Variants in OGG1 observed in about 807,000 individuals in gnomAD.
OGG1 encodes N-glycosylase/DNA lyase.
In OGG1, 35 loss-of-function variants were observed where a neutral mutation model predicts 42.3. The ratio of observed to expected loss-of-function variants is 0.83; its 90% CI spans 0.63 to 1.10. OGG1 has a LOEUF of 1.10. Among genes scored for constraint, OGG1 ranks in the 50% least tolerant of loss-of-function variants. OGG1 has a pLI of 0.00. For missense variants in OGG1, 484 were observed against 446.7 expected (o/e 1.08, Z -0.75); for synonymous variants, 189 against 179.0 (o/e 1.06, Z -0.44).
intron 3 of OGG1, chr3:9,787,360 C>A: frequency 6.3e-7 from 1 of 1,595,700 alleles, no homozygotes; most frequent in Non-Finnish European, 8.5e-7. Context: ...AGATGGCACC[C>A]AACCCTGAGT....
chr3:9,760,753 A>G, downstream of OGG1: 1 of 1,613,970 alleles, frequency 6.2e-7, no homozygotes, highest in Non-Finnish European at 8.5e-7. Flanking sequence ...CATAGAAGGG[A>G]GGGTAACCGC....
rs1553700331 is a variant in OGG1, at chr3:9,752,552, A to AAAAAT, written c.565+603_565+604insAAAAT. Among the ~76,000 whole-genome samples the AAAAAT allele has an allele frequency of 2.7e-3, 388 of 145,058 alleles. 3 individuals carry two copies. The highest frequency in any genetic ancestry group is 4.6e-3 in the Non-Finnish European group (308 of 66,476). On this transcript the variant is annotated intron_variant, in intron 3 of 6. Transcript: ENST00000344629. Reference sequence around the variant, plus strand: ...CTCAAAAAAAAAAAAAAAAAAAAAAATTCAAGCTGGTATCATTGTAGTGAA... The same window carrying AAAAAT: ...CTCAAAAAAAAAAAAAAAAAAAAAAAAAAATTTCAAGCTGGTATCATTGTAGTGAA...
chr3:9,761,859 A>G (rs2077892652), downstream of OGG1: 4 of 1,504,490 alleles, frequency 2.7e-6, no homozygotes, highest in Middle Eastern at 4.5e-4. Flanking sequence ...TGGATCCCCA[A>G]AAGCCACTGT....
intron 7 of OGG1, chr3:9,762,946 G>A: frequency 6.2e-7 from 1 of 1,614,154 alleles, no homozygotes; most frequent in Non-Finnish European, 8.5e-7. Context: ...CCCAGGTCAT[G>A]CAGGTATTTC....
rs544966341 is a variant in OGG1 at position 9,786,487 on chromosome 3, C to G, written c.383-1241C>G. ...GTGTGAGGGTGTGTCTAAGGTCAAC[C>G]AGCAGGTATAAAGACAGGGCCCCTG... On this transcript the variant is annotated intron_variant, in intron 3 of 3. Coordinates refer to the OGG1 transcript ENST00000426518. Among the ~76,000 whole-genome samples, 45 of 151,940 alleles carry G rather than the reference C, an allele frequency of 3.0e-4. 2 individuals are homozygous for G. The highest frequency in any genetic ancestry group is 1.1e-3 in the African/African-American group (44 of 41,440).
intron 3 of OGG1, chr3:9,787,136 G>C (rs769242124): frequency 1.2e-6 from 2 of 1,614,176 alleles, no homozygotes; most frequent in South Asian, 2.2e-5. Context: ...AAGGAGGGGA[G>C]GTGGGCTGAA....
intron 7 of OGG1, among the ~76,000 whole-genome samples, chr3:9,765,013 G>A (rs2078084502): frequency 6.6e-6 from 1 of 151,814 alleles, no homozygotes; most frequent in Admixed American, 6.6e-5. Context: ...GATCACCTGA[G>A]GTCAGGAGTT....
At chr3:9,773,301 G>A (rs866878363) in intron 2 of OGG1, among the ~76,000 whole-genome samples, 4 of 151,590 alleles carry the variant, frequency 2.6e-5, no homozygotes, top group Non-Finnish European at 5.9e-5. Flanking sequence ...AGGCTGAGGC[G>A]GGTGGATCAT....
At chr3:9,790,967 G>C (rs140282684), downstream of OGG1, among the ~76,000 whole-genome samples, 196 of 152,274 alleles carry the variant, frequency 1.3e-3, no homozygotes, top group African/African-American at 4.5e-3. Context: ...CAAGCTCCCT[G>C]ACAGCCATAA....
At chr3:9,780,109 C>T (rs1014144028) in intron 2 of OGG1, 14 of 398,242 alleles carry the variant, frequency 3.5e-5, no homozygotes, top group Non-Finnish European at 5.4e-5. Context: ...GACCCAGAAA[C>T]GAAGTCCCCT....
rs764578000 is a variant in OGG1 at position 9,787,737 on chromosome 3, TAAGAAATC to T, written c.*8_*15del. ...ATGAACTCTTTTTCAGATAAATTTT[TAAGAAATC>T]AGATAAGTGAAGTGAAAGAGAGAGA... On this transcript the variant is annotated 3_prime_UTR_variant, in exon 4 of 4. Transcript: ENST00000426518. The T allele has an allele frequency of 5.4e-6, 7 of 1,289,258 alleles. No individual in the cohort carries two copies. In the South Asian group the frequency reaches 8.6e-5, roughly 16 times the overall value. The allele number at this position is 1,289,258 out of a possible 1,614,324, so 79.9% of individuals were successfully genotyped here.
At chr3:9,761,669 C>CT, downstream of OGG1, 1 of 1,614,204 alleles carries the variant, frequency 6.2e-7, no homozygotes, top group Non-Finnish European at 8.5e-7. Context: ...GGAGAGCACA[C>CT]TGCCCGGGTC....
In OGG1 at chr3:9,749,999, G is replaced by A; in HGVS notation, c.-288G>A. On this transcript the variant is annotated 5_prime_UTR_variant, in exon 1 of 7. Coordinates refer to ENST00000344629, the MANE Select transcript of OGG1 (RefSeq NM_002542.6). The stretch of plus-strand genomic sequence containing the variant: ...GGAGAACCCAGAAGAACACAGCTGT[G>A]CGCGCCCACAGGCTCTGGGGGCGGG... 4.1e-6 allele frequency: 2 copies of A among 489,116 alleles called. No homozygotes were observed. The highest frequency in any genetic ancestry group is 7.4e-6 in the Non-Finnish European group (2 of 270,868). 30.3% of individuals were successfully genotyped at this position (489,116 alleles called of 1,614,324 possible).
intron 4 of OGG1, 80 bp downstream of exon 4, chr3:9,754,965 G>A: frequency 7.7e-7 from 1 of 1,303,702 alleles, no homozygotes; most frequent in Non-Finnish European, 1.1e-6. Flanking sequence ...CTGGGAGCTG[G>A]GTGGAGGCTT....
intron 3 of OGG1, among the ~76,000 whole-genome samples, chr3:9,784,886 A>C (rs1439072418): frequency 6.6e-6 from 1 of 152,044 alleles, no homozygotes; most frequent in Non-Finnish European, 1.5e-5. Context: ...AAGAAAAAGA[A>C]AAAAAGAAAT....
Position 9,751,878 on chromosome 3 carries a change from C to A in OGG1, c.494C>A (p.Ala165Asp). 2.5e-6 allele frequency: 4 copies of A among 1,614,208 alleles called. No homozygotes were observed. Among genetic ancestry groups the A allele is most frequent in the Non-Finnish European group, 3.4e-6 (4 of 1,180,032 alleles). Residue 165 changes from alanine (A) to aspartate (D), a missense_variant, in exon 3 of 7, where the codon GCT (alanine) becomes GAT (aspartate). Physicochemically the swap from Ala to Asp is moderately radical, Grantham distance 126. Transcript: ENST00000344629. ...ITGMVERLCQ[A>D]FGPRLIQLDD... ...GGCATGGTGGAGCGGCTGTGCCAGG[C>A]TTTTGGACCTCGGCTCATCCAGCTT...
chr3:9,776,887 A>C (rs1417655314), intron 2 of OGG1, among the ~76,000 whole-genome samples: 1 of 152,158 alleles, frequency 6.6e-6, no homozygotes, highest in East Asian at 1.9e-4. Context: ...AGGTGAAGAG[A>C]AGAAATGGGG....
At chr3:9,788,859 G>A (rs1479065902), downstream of OGG1, among the ~76,000 whole-genome samples, 4 of 147,294 alleles carry the variant, frequency 2.7e-5, no homozygotes, top group African/African-American at 5.0e-5. Context: ...TTTTGGAGAC[G>A]GAGTCTTGCT....
chr3:9,773,751 G>A (rs759787540), intron 2 of OGG1, among the ~76,000 whole-genome samples: 4 of 151,938 alleles, frequency 2.6e-5, no homozygotes, highest in East Asian at 3.9e-4. Flanking sequence ...GTGGTGCAGC[G>A]GCGCCATCAT....
Sources: allele counts gnomAD v4.1 joint callset (sites outside exome capture counted in the v4.1 genomes callset), GRCh38; gene constraint gnomAD v4.1.1; transcripts MANE v1.5; gene names NCBI Gene and HGNC (gene_info 2026-07-23, HGNC 2026-07-21).